Variants in TMEM132B observed in about 807,000 individuals in gnomAD.
TMEM132B encodes transmembrane protein 132B.
In TMEM132B, 18 loss-of-function variants were observed where a neutral mutation model predicts 90.8. The observed-to-expected ratio is 0.20, with a 90% CI of 0.14 to 0.29. The LOEUF (loss-of-function observed/expected upper bound fraction) is 0.29. Ranked by LOEUF, TMEM132B falls within the 10% of genes least tolerant of loss-of-function variation. The pLI is 1.00. For synonymous variants in TMEM132B, 504 were observed against 523.3 expected (o/e 0.96, Z 0.50); for missense variants, 1,096 against 1,326.8 (o/e 0.83, Z 2.70).
At chr12:125,333,571 CA>C (rs1214089156) in intron 1 of TMEM132B, among the ~76,000 whole-genome samples, 1 of 152,140 alleles carries the variant, frequency 6.6e-6, no homozygotes, top group Non-Finnish European at 1.5e-5. Flanking sequence ...GGAGGGCAGG[CA>C]GGGGATATAT....
chr12:125,511,597 T>A (rs1882978779), intron 3 of TMEM132B, among the ~76,000 whole-genome samples: 1 of 151,990 alleles, frequency 6.6e-6, no homozygotes, highest in Non-Finnish European at 1.5e-5. Flanking sequence ...ACGCCTGTAA[T>A]CCCAGCGCTT....
intron 1 of TMEM132B, among the ~76,000 whole-genome samples, chr12:125,312,895 C>T (rs965541185): frequency 1.3e-5 from 2 of 152,092 alleles, no homozygotes; most frequent in Non-Finnish European, 2.9e-5. Context: ...ATGAATATAC[C>T]CTAAACCAAT....
At chr12:125,296,786 C>T (rs10846867) in intron 1 of TMEM132B, among the ~76,000 whole-genome samples, 31,909 of 152,168 alleles carry the variant, frequency 0.21, 3,554 homozygotes, top group South Asian at 0.27. Context: ...GAAGAATCAC[C>T]GAACTGGGAC....
At chr12:125,350,718 G>T (rs1039250658) in intron 2 of TMEM132B, among the ~76,000 whole-genome samples, 1 of 152,238 alleles carries the variant, frequency 6.6e-6, no homozygotes, top group African/African-American at 2.4e-5. Context: ...GTGAGACAGA[G>T]GCATTGTCTT....
intron 5 of TMEM132B, among the ~76,000 whole-genome samples, chr12:125,608,821 G>C (rs934421478): frequency 6.6e-6 from 1 of 151,360 alleles, no homozygotes; most frequent in Admixed American, 6.6e-5. Context: ...TGAAAAGGCA[G>C]TTCTTTTCTC....
intron 1 of TMEM132B, among the ~76,000 whole-genome samples, chr12:125,272,626 G>A (rs911369682): frequency 4.6e-5 from 7 of 152,128 alleles, no homozygotes; most frequent in East Asian, 1.9e-4. Context: ...TGGCGCGGGC[G>A]GGTGCAGTTG....
intron 2 of TMEM132B, among the ~76,000 whole-genome samples, chr12:125,386,037 G>T (rs566099530): frequency 6.6e-6 from 1 of 152,152 alleles, no homozygotes; most frequent in Admixed American, 6.5e-5. Context: ...CTGTTGCCCA[G>T]GTTGGAGTGC....
At chr12:125,338,912 C>T (rs325082) in intron 1 of TMEM132B, among the ~76,000 whole-genome samples, 44,814 of 152,132 alleles carry the variant, frequency 0.29, 9,984 homozygotes, top group African/African-American at 0.63. Flanking sequence ...ATTCCGTATC[C>T]TTCTTTTTGA....
At chr12:125,470,609 G>A (rs966495605) in intron 3 of TMEM132B, among the ~76,000 whole-genome samples, 1 of 152,136 alleles carries the variant, frequency 6.6e-6, no homozygotes, top group Admixed American at 6.5e-5. Context: ...CTGTATCCCA[G>A]TGGTATATCT....
intron 4 of TMEM132B, among the ~76,000 whole-genome samples, chr12:125,543,510 C>G (rs1884009356): frequency 6.6e-6 from 1 of 152,146 alleles, no homozygotes; most frequent in African/African-American, 2.4e-5. Context: ...ATTTGAGCTT[C>G]CTTCAAGTTC....
At chr12:125,388,015 G>A (rs1478609515) in intron 2 of TMEM132B, among the ~76,000 whole-genome samples, 2 of 152,176 alleles carry the variant, frequency 1.3e-5, no homozygotes, top group Non-Finnish European at 2.9e-5. Flanking sequence ...GGTTCTGAAA[G>A]GCTGGTAGTG....
At chr12:125,634,934 T>C (rs1886447846) in intron 5 of TMEM132B, among the ~76,000 whole-genome samples, 1 of 152,168 alleles carries the variant, frequency 6.6e-6, no homozygotes, top group South Asian at 2.1e-4. Flanking sequence ...AGCTGGTATC[T>C]CAGTAGGTCA....
At chr12:125,223,642 G>A (rs371028783) in intron 1 of TMEM132B, among the ~76,000 whole-genome samples, 1 of 152,054 alleles carries the variant, frequency 6.6e-6, no homozygotes, top group Non-Finnish European at 1.5e-5. Context: ...AAATCACACC[G>A]TTTAACAGTT....
rs960495085 is a variant in TMEM132B, at chr12:125,608,324, T to A, written c.1437+24330T>A. 2.0e-5 allele frequency among the ~76,000 whole-genome samples: 3 copies of A among 152,206 alleles called. No homozygotes were observed. The South Asian group carries it at 6.2e-4, about 31-fold the overall frequency. ...AAATTGTAATTTTGACTTGTATTTC[T>A]CTAATGGCTAATGATATTAAGCATT... On this transcript the variant is annotated intron_variant, in intron 5 of 8. Transcript: ENST00000682704.
chr12:125,542,647 A>G (rs1883987114), intron 4 of TMEM132B, among the ~76,000 whole-genome samples: 1 of 152,194 alleles, frequency 6.6e-6, no homozygotes, highest in African/African-American at 2.4e-5. Flanking sequence ...TCCATGTAGC[A>G]TGTGTCAGAA....
rs1462706809 is a variant in TMEM132B, at chr12:125,657,586, A to G, written c.*2876A>G. On this transcript the variant is annotated 3_prime_UTR_variant, in exon 9 of 9. Transcript: ENST00000682704. The stretch of plus-strand genomic sequence containing the variant: ...TAGGTGCTGTGCCCCAAAATATCTA[A>G]AATGGGGGTAAAGATATAAACTATT... 2 of 152,218 alleles carry G rather than the reference A, an allele frequency of 1.3e-5. No homozygotes were observed. Among genetic ancestry groups the G allele is most frequent in the African/African-American group, 4.8e-5 (2 of 41,450 alleles). 9.4% of individuals were successfully genotyped at this position (152,218 alleles called of 1,614,324 possible).
chr12:125,469,995 A>T (rs1881667193), intron 3 of TMEM132B, among the ~76,000 whole-genome samples: 1 of 151,442 alleles, frequency 6.6e-6, no homozygotes, highest in African/African-American at 2.5e-5. Context: ...ATTAAAATAC[A>T]ATTTATTTTG....
intron 4 of TMEM132B, among the ~76,000 whole-genome samples, chr12:125,555,009 G>A (rs958340588): frequency 5.9e-5 from 9 of 152,120 alleles, no homozygotes; most frequent in South Asian, 2.1e-4. Context: ...AATAATGGAC[G>A]CACGACAACC....
At chr12:125,619,755 G>C (rs541855145) in intron 5 of TMEM132B, among the ~76,000 whole-genome samples, 3 of 152,278 alleles carry the variant, frequency 2.0e-5, no homozygotes, top group Admixed American at 2.0e-4. Flanking sequence ...TGCTGGACAG[G>C]GGGATCCATA....
Sources: gnomAD v4.1 joint callset for allele counts (sites outside exome capture counted in the v4.1 genomes callset) on GRCh38, gnomAD v4.1.1 for gene constraint, MANE v1.5 for transcripts, NCBI Gene and HGNC (gene_info 2026-07-23, HGNC 2026-07-21) for gene names.